The following MLPH variants were observed in gnomAD, a reference collection of about 807,000 sequenced individuals.
MLPH encodes the protein melanophilin.
Under a neutral mutation model 72.1 loss-of-function variants are expected in MLPH, and 51 were observed. The observed-to-expected ratio is 0.71, with a 90% CI of 0.56 to 0.89. The LOEUF (loss-of-function observed/expected upper bound fraction) is 0.89. MLPH is among the 40% of genes least tolerant of loss of function. The pLI, the probability that MLPH is intolerant of heterozygous loss-of-function variation, is 0.00. For synonymous variants in MLPH, 301 were observed against 310.1 expected, an observed-to-expected ratio of 0.97 and a Z score of 0.31; for missense variants, 743 against 759.9, an observed-to-expected ratio of 0.98 and a Z score of 0.26.
At chr2:237,496,088 C>CA (rs987317624) in intron 2 of MLPH, among the ~76,000 whole-genome samples, 37 of 152,252 alleles carry the variant, frequency 2.4e-4, no homozygotes, top group Admixed American at 2.6e-4. Flanking sequence ...AAGGGCAGAA[C>CA]ATCGTTCTCA....
chr2:237,527,237 C>A (rs1204666045), intron 7 of MLPH, 140 bp from the exon 8 acceptor site: 5 of 1,049,360 alleles, frequency 4.8e-6, no homozygotes, highest in Non-Finnish European at 7.3e-6. Context: ...CTTATTGTGA[C>A]TTTGGAACCT....
At chr2:237,553,347 T>C in intron 15 of MLPH, 1 of 642,106 alleles carries the variant, frequency 1.6e-6, no homozygotes, top group Non-Finnish European at 2.8e-6. Flanking sequence ...GATTCAGTTC[T>C]AGGAAGTCAG....
In MLPH at chr2:237,510,473, G is replaced by A. The variant is rs111252048; in HGVS notation, c.111-101G>A. On this transcript the variant is annotated intron_variant, in intron 2 of 15. Transcript: ENST00000264605. The surrounding 1 kb of genome is among the most constrained non-coding windows in gnomAD (Gnocchi z 4.4). ...GGAGACAGTTACTGTGTGTGTGTAT[G>A]TGTCTGTGTCTGTGTGTGTGTGTAT... The A allele has an allele frequency of 5.7e-6, 6 of 1,061,840 alleles. No individual in the cohort carries two copies. Among genetic ancestry groups the A allele is most frequent in the African/African-American group, 3.1e-5 (2 of 63,920 alleles). The allele number at this position is 1,061,840 out of a possible 1,614,324, so 65.8% of individuals were successfully genotyped here. A position where few individuals can be genotyped will look rare whatever the true frequency, so the allele number is the denominator to read the frequency against.
intron 2 of MLPH, 89 bp downstream of exon 2, chr2:237,493,625 G>A (rs1223864980): frequency 7.7e-6 from 7 of 913,154 alleles, no homozygotes; most frequent in Admixed American, 3.5e-5. Flanking sequence ...TGGGTCAACA[G>A]CCACGTGCAG....
At chr2:237,496,217 A>C (rs1210900153) in intron 2 of MLPH, among the ~76,000 whole-genome samples, 2 of 152,164 alleles carry the variant, frequency 1.3e-5, no homozygotes, top group African/African-American at 4.8e-5. Flanking sequence ...TCATTGCCTG[A>C]GTATAGGCGA....
intron 2 of MLPH, among the ~76,000 whole-genome samples, chr2:237,494,260 A>C (rs566223029): frequency 2.0e-4 from 30 of 152,258 alleles, no homozygotes; most frequent in African/African-American, 6.0e-4. Flanking sequence ...GGTGGAGGGC[A>C]GAGGCCAGAG....
intron 6 of MLPH, among the ~76,000 whole-genome samples, chr2:237,522,353 G>T (rs1390586322): frequency 9.0e-6 from 1 of 110,560 alleles, no homozygotes; most frequent in Non-Finnish European, 1.9e-5. Context: ...TATAGTGCTG[G>T]AGTGGAGCAG....
chr2:237,522,962 C>T (rs1191692550), intron 6 of MLPH, among the ~76,000 whole-genome samples: 1 of 152,228 alleles, frequency 6.6e-6, no homozygotes, highest in Non-Finnish European at 1.5e-5. Flanking sequence ...ATGAGTCCTA[C>T]ACCTTCTCAT....
chr2:237,540,222 G>A, intron 9 of MLPH, 126 bp from the exon 10 acceptor site: 1 of 1,041,556 alleles, frequency 9.6e-7, no homozygotes, highest in African/African-American at 1.6e-5. Flanking sequence ...CATGGAGAAG[G>A]GAGGCAGCTG....
chr2:237,507,743 C>T (rs1023035967), intron 2 of MLPH, among the ~76,000 whole-genome samples: 1 of 152,170 alleles, frequency 6.6e-6, no homozygotes, highest in Non-Finnish European at 1.5e-5. Context: ...TGAAAGCTTC[C>T]GTTTTATTAC....
intron 2 of MLPH, among the ~76,000 whole-genome samples, chr2:237,495,462 C>T (rs1214448554): frequency 1.3e-5 from 2 of 152,116 alleles, no homozygotes; most frequent in Admixed American, 6.5e-5. Flanking sequence ...GGACCAGCCC[C>T]GGGGACGTGA....
intron 5 of MLPH, among the ~76,000 whole-genome samples, 185 bp downstream of exon 5, chr2:237,518,833 A>G (rs1168324946): frequency 1.3e-5 from 2 of 152,240 alleles, no homozygotes; most frequent in East Asian, 3.9e-4. Flanking sequence ...ATTGGGCACC[A>G]GGCAGGAGCA....
intron 1 of MLPH, among the ~76,000 whole-genome samples, chr2:237,490,076 C>T (rs1285121564): frequency 2.6e-5 from 4 of 152,158 alleles, no homozygotes; most frequent in African/African-American, 4.8e-5. Context: ...TCAGGAACCT[C>T]GTGAGCAGGC....
At chr2:237,491,098 C>A (rs576983350) in intron 1 of MLPH, among the ~76,000 whole-genome samples, 2 of 152,256 alleles carry the variant, frequency 1.3e-5, no homozygotes, top group South Asian at 2.1e-4. Flanking sequence ...ACCTCTTGTG[C>A]AACAAAATCG....
At chr2:237,546,862 G>A (rs763911188) in intron 13 of MLPH, among the ~76,000 whole-genome samples, 179 bp downstream of exon 13, 4 of 152,164 alleles carry the variant, frequency 2.6e-5, no homozygotes, top group South Asian at 2.1e-4. Flanking sequence ...GGCTTCCTCC[G>A]TGGCACACAC....
Position 237,511,008 on chromosome 2 carries a change from C to T in MLPH, c.352C>T (p.Leu118=). The T allele has an allele frequency of 6.2e-7, 1 of 1,613,814 alleles. No homozygotes were observed. The highest frequency in any genetic ancestry group is 8.5e-7 in the Non-Finnish European group (1 of 1,179,934). ...HLARVVKIGS[L]EWYYEHVKAR... ...CTGCAGAGTCGTGAAGATCGGCTCACTGGAGTGGTACTATGAGCATGTGAA... is the reference window on the plus strand; with the variant it reads ...CTGCAGAGTCGTGAAGATCGGCTCATTGGAGTGGTACTATGAGCATGTGAA... Residue 118 remains leucine (L), a synonymous_variant, in exon 4 of 16, where the codon CTG becomes TTG. Transcript: ENST00000264605.
intron 4 of MLPH, among the ~76,000 whole-genome samples, chr2:237,517,722 T>A (rs2080076582): frequency 8.0e-6 from 1 of 125,626 alleles, no homozygotes; most frequent in African/African-American, 3.3e-5. Flanking sequence ...GATGGATAAG[T>A]AAGTGGGTGG....
chr2:237,516,912 G>T (rs2080038724), intron 4 of MLPH, among the ~76,000 whole-genome samples: 1 of 128,942 alleles, frequency 7.8e-6, no homozygotes, highest in South Asian at 2.5e-4. Flanking sequence ...TGGATGGATG[G>T]TAGGATGGAT....
At chr2:237,537,449 T>C (rs1358436676) in intron 9 of MLPH, 1 of 152,322 alleles carries the variant, frequency 6.6e-6, no homozygotes, top group Non-Finnish European at 1.5e-5. Flanking sequence ...CTCAGCCCCA[T>C]GCACTCTGGG....
Sources: allele counts gnomAD v4.1 joint callset (sites outside exome capture counted in the v4.1 genomes callset), GRCh38; gene constraint gnomAD v4.1.1; non-coding constraint Gnocchi (gnomAD v3.1); transcripts MANE v1.5; gene names NCBI Gene and HGNC (gene_info 2026-07-23, HGNC 2026-07-21).